BMP5: variants seen among roughly 807,000 people sequenced by gnomAD.
BMP5 encodes the protein bone morphogenetic protein 5.
A neutral mutation model predicts 46.6 loss-of-function variants in BMP5; 23 were observed. That is an observed-to-expected ratio of 0.49 (90% CI 0.35 to 0.70). The LOEUF (loss-of-function observed/expected upper bound fraction) is 0.70, where lower values mean the gene tolerates loss of function less well. BMP5 is among the 30% of genes least tolerant of loss of function. BMP5 has a pLI of 0.00. For missense variants in BMP5, 545 were observed against 565.6 expected (o/e 0.96, Z 0.37); for synonymous variants, 204 against 191.9 (o/e 1.06, Z -0.52).
chr6:55,769,553 T>C (rs569236853), intron 4 of BMP5, among the ~76,000 whole-genome samples: 1 of 151,916 alleles, frequency 6.6e-6, no homozygotes, highest in South Asian at 2.1e-4. Context: ...ATCAAAGTCA[T>C]CCAGGAGGTA....
chr6:55,794,091 A>G (rs1336192997), intron 3 of BMP5, among the ~76,000 whole-genome samples, 188 bp downstream of exon 3: 2 of 152,184 alleles, frequency 1.3e-5, no homozygotes, highest in African/African-American at 4.8e-5. Flanking sequence ...AGAGCCTGAC[A>G]ATAAATGTAT....
chr6:55,849,413 A>G (rs772797333), intron 1 of BMP5, among the ~76,000 whole-genome samples: 1 of 152,098 alleles, frequency 6.6e-6, no homozygotes, highest in East Asian at 1.9e-4. Context: ...GCTATTTTAC[A>G]TAAGATGATT....
At chr6:55,762,137 G>A (rs1035233181) in intron 4 of BMP5, among the ~76,000 whole-genome samples, 5 of 151,958 alleles carry the variant, frequency 3.3e-5, no homozygotes, top group Non-Finnish European at 4.4e-5. Context: ...GAGATTTATG[G>A]AACATTTTTC....
chr6:55,816,052 T>A (rs1163476721), intron 2 of BMP5, among the ~76,000 whole-genome samples: 1 of 152,032 alleles, frequency 6.6e-6, no homozygotes, highest in Non-Finnish European at 1.5e-5. Context: ...AATTAATAAA[T>A]ATATTCTAGA....
At chr6:55,764,348 C>T (rs1259583086) in intron 4 of BMP5, among the ~76,000 whole-genome samples, 3 of 151,982 alleles carry the variant, frequency 2.0e-5, no homozygotes, top group South Asian at 4.1e-4. Context: ...CCAAGGAGGG[C>T]GGATCACGAG....
chr6:55,792,600 A>T (rs377306666), intron 3 of BMP5, among the ~76,000 whole-genome samples: 245 of 151,998 alleles, frequency 1.6e-3, no homozygotes, highest in African/African-American at 5.6e-3. Context: ...CCTTTAATAT[A>T]TTCAATTTGT....
intron 6 of BMP5, 56 bp downstream of exon 6, chr6:55,758,949 C>T (rs1287926521): frequency 3.4e-6 from 4 of 1,193,674 alleles, no homozygotes; most frequent in Non-Finnish European, 5.0e-6. Context: ...TCTAAAACAA[C>T]TTTATAATAT....
rs1349600885 is a variant in BMP5 at position 55,754,506 on chromosome 6, T to A, written c.*1027A>T. ...TCTGTCAAAGCCATTCTGGGACTTT[T>A]GGTAATTTCCTCCAGTTTAGTTTCA... On this transcript the variant is annotated 3_prime_UTR_variant, in exon 7 of 7. Coordinates refer to ENST00000370830, the MANE Select transcript of BMP5 (RefSeq NM_021073.4). 1 of 152,000 alleles carries A rather than the reference T, an allele frequency of 6.6e-6. No homozygotes were observed. The highest frequency in any genetic ancestry group is 1.5e-5 in the Non-Finnish European group (1 of 67,944). 9.4% of individuals were successfully genotyped at this position (152,000 alleles called of 1,614,324 possible). A position where few individuals can be genotyped will look rare whatever the true frequency, so the allele number is the denominator to read the frequency against.
chr6:55,811,744 C>T lies in BMP5; in HGVS notation c.683+7911G>A, dbSNP rs151309794. 2.2e-3 allele frequency among the ~76,000 whole-genome samples: 338 copies of T among 151,554 alleles called. 1 individual carries two copies. Among genetic ancestry groups the T allele is most frequent in the Non-Finnish European group, 3.7e-3 (248 of 67,886 alleles). ...ATTCTTTCCCCATTTGTTGTTTTGC[C>T]TATGGAAACTTCCTACTCTTCTTGA... On this transcript the variant is annotated intron_variant, in intron 2 of 6. Coordinates refer to ENST00000370830, the MANE Select transcript of BMP5 (RefSeq NM_021073.4).
intron 4 of BMP5, among the ~76,000 whole-genome samples, chr6:55,767,567 T>C (rs1210263203): frequency 6.9e-6 from 1 of 145,480 alleles, no homozygotes; most frequent in Non-Finnish European, 1.5e-5. Context: ...GATGGATAGA[T>C]GATAGATAAA....
rs1365777104 is a variant in BMP5, at chr6:55,755,022, T to G, written c.*511A>C. ...TTCAAATCCAGTTCAACATTTCACT[T>G]TATCTAATGAAGCAGGAACTCTAAA... On this transcript the variant is annotated 3_prime_UTR_variant, in exon 7 of 7. Coordinates refer to ENST00000370830, the MANE Select transcript of BMP5 (RefSeq NM_021073.4). 6.6e-6 allele frequency: 1 copy of G among 152,576 alleles called. No individual in the cohort carries two copies. Among genetic ancestry groups the G allele is most frequent in the East Asian group, 1.9e-4 (1 of 5,180 alleles). 9.5% of individuals were successfully genotyped at this position (152,576 alleles called of 1,614,324 possible).
intron 3 of BMP5, among the ~76,000 whole-genome samples, chr6:55,785,759 AAT>A (rs533186523): frequency 2.6e-5 from 4 of 151,052 alleles, no homozygotes; most frequent in African/African-American, 7.3e-5. Context: ...AAAAAAAAAA[AAT>A]TTTTTCAGAA....
intron 1 of BMP5, among the ~76,000 whole-genome samples, chr6:55,836,635 C>CACAA (rs1776801120): frequency 6.9e-6 from 1 of 145,856 alleles, no homozygotes; most frequent in African/African-American, 2.6e-5. Flanking sequence ...CATACATACA[C>CACAA]ACACACACAC....
rs771132693 is a variant in BMP5 at position 55,755,727 on chromosome 6, C to A, written c.1216-45G>T. ...TTGTTTTATTAAGAAATAAAATATACATTCTTTTGCAGTTTTAAAATGGTA... is the reference window on the plus strand; with the variant it reads ...TTGTTTTATTAAGAAATAAAATATAAATTCTTTTGCAGTTTTAAAATGGTA... On this transcript the variant is annotated intron_variant, in intron 6 of 6. Transcript: ENST00000370830. 12 of 1,546,352 alleles carry A rather than the reference C, an allele frequency of 7.8e-6. No homozygotes were observed. In the African/African-American group the frequency reaches 9.6e-5, roughly 12 times the overall value.
chr6:55,819,970 C>T, intron 1 of BMP5, 123 bp from the exon 2 acceptor site: 1 of 853,218 alleles, frequency 1.2e-6, no homozygotes, highest in African/African-American at 1.7e-5. Flanking sequence ...ACTGGAAAAA[C>T]CCTAAAACCA....
chr6:55,785,341 C>T (rs1046994442), intron 3 of BMP5, among the ~76,000 whole-genome samples: 1 of 151,624 alleles, frequency 6.6e-6, no homozygotes, highest in Non-Finnish European at 1.5e-5. Context: ...AGAGAATTAA[C>T]GAGATCTCTG....
At chr6:55,874,122 T>G (rs1034926423) in intron 1 of BMP5, among the ~76,000 whole-genome samples, 2 of 152,046 alleles carry the variant, frequency 1.3e-5, no homozygotes, top group Admixed American at 1.3e-4. Context: ...TTCATATATT[T>G]AAGCGAGGTT....
In BMP5 at chr6:55,786,299, G is replaced by A. The variant is rs139678864; in HGVS notation, c.832+7980C>T. Among the ~76,000 whole-genome samples, 50 of 151,648 alleles carry A rather than the reference G, an allele frequency of 3.3e-4. 1 individual carries two copies. The highest frequency in any genetic ancestry group is 1.7e-3 in the Admixed American group (26 of 15,220). On this transcript the variant is annotated intron_variant, in intron 3 of 6. Coordinates refer to ENST00000370830, the MANE Select transcript of BMP5 (RefSeq NM_021073.4). Reference sequence around the variant, plus strand: ...TATATGCTTAAAGATTACAATTGGCGTACCATTCCATGATGCAGCAAGGTT... The same window carrying A: ...TATATGCTTAAAGATTACAATTGGCATACCATTCCATGATGCAGCAAGGTT...
chr6:55,824,181 A>T (rs1420145141), intron 1 of BMP5, among the ~76,000 whole-genome samples: 1 of 151,968 alleles, frequency 6.6e-6, no homozygotes, highest in African/African-American at 2.4e-5. Context: ...AAATTTGGCA[A>T]ATATTAAGCA....
Sources: allele counts gnomAD v4.1 joint callset (sites outside exome capture counted in the v4.1 genomes callset), GRCh38; gene constraint gnomAD v4.1.1; transcripts MANE v1.5; gene names NCBI Gene and HGNC (gene_info 2026-07-23, HGNC 2026-07-21).